IL1RL2: variants seen among roughly 807,000 people sequenced by gnomAD.
The protein encoded by IL1RL2 is interleukin-1 receptor-like 2.
A neutral mutation model predicts 66.8 loss-of-function variants in IL1RL2; 68 were observed. The ratio of observed to expected loss-of-function variants is 1.02; its 90% CI spans 0.84 to 1.25. IL1RL2 has a LOEUF of 1.25. IL1RL2 is among the 50% of genes most tolerant of loss of function. The pLI is 0.00. For missense variants in IL1RL2, 729 were observed against 709.3 expected (o/e 1.03, Z -0.32); for synonymous variants, 305 against 264.6 (o/e 1.15, Z -1.48).
intron 4 of IL1RL2, among the ~76,000 whole-genome samples, chr2:102,193,064 G>A (rs190843256): frequency 8.6e-5 from 13 of 151,840 alleles, no homozygotes; most frequent in South Asian, 4.2e-4. Flanking sequence ...ACACACACAC[G>A]TGCACACACA....
At chr2:102,187,672 C>G (rs1433439366) in intron 1 of IL1RL2, among the ~76,000 whole-genome samples, 184 bp from the exon 2 acceptor site, 1 of 152,178 alleles carries the variant, frequency 6.6e-6, no homozygotes. Flanking sequence ...GGCGCCCAGA[C>G]GAAGGAGACA....
intron 5 of IL1RL2, among the ~76,000 whole-genome samples, chr2:102,206,783 C>T (rs992068508): frequency 6.6e-6 from 1 of 152,226 alleles, no homozygotes; most frequent in Admixed American, 6.5e-5. Flanking sequence ...CAGCCGGTGG[C>T]AAAGCCAGCC....
At chr2:102,224,077 G>A (rs149178819) in intron 8 of IL1RL2, among the ~76,000 whole-genome samples, 71 of 152,308 alleles carry the variant, frequency 4.7e-4, no homozygotes, top group African/African-American at 1.4e-3. Context: ...GCCTCAAGAT[G>A]TTTACAACAC....
At chr2:102,222,109 T>C (rs1690194689) in intron 8 of IL1RL2, among the ~76,000 whole-genome samples, 1 of 152,216 alleles carries the variant, frequency 6.6e-6, no homozygotes, top group South Asian at 2.1e-4. Flanking sequence ...ACAATTTATT[T>C]TTGCCTGTTT....
rs766236834 is a variant in IL1RL2, at chr2:102,219,114, C to A, written c.854+32C>A. 9 of 1,612,198 alleles carry A rather than the reference C, an allele frequency of 5.6e-6. No individual in the cohort carries two copies. The Admixed American group carries it at 1.2e-4, about 21-fold the overall frequency. On this transcript the variant is annotated intron_variant, in intron 7 of 11. Coordinates refer to ENST00000264257, the MANE Select transcript of IL1RL2 (RefSeq NM_003854.4). ...GTTTTGCTTTTTTGACTTCTCTAAACGCTAGCAAGGATTTCTCCATCTAAG... is the reference window on the plus strand; with the variant it reads ...GTTTTGCTTTTTTGACTTCTCTAAAAGCTAGCAAGGATTTCTCCATCTAAG...
At chr2:102,197,756 T>C (rs1211616962) in intron 4 of IL1RL2, among the ~76,000 whole-genome samples, 1 of 152,218 alleles carries the variant, frequency 6.6e-6, no homozygotes, top group Non-Finnish European at 1.5e-5. Context: ...TCCAGTTCTG[T>C]GGGAGCTGAG....
At chr2:102,196,416 C>A (rs1687788356) in intron 4 of IL1RL2, among the ~76,000 whole-genome samples, 1 of 152,138 alleles carries the variant, frequency 6.6e-6, no homozygotes. Context: ...TGTGCTCAGA[C>A]CTGGAATCAC....
downstream of IL1RL2, among the ~76,000 whole-genome samples, chr2:102,240,230 T>G (rs887058066): frequency 1.3e-5 from 2 of 152,062 alleles, no homozygotes; most frequent in Admixed American, 6.6e-5. Flanking sequence ...GCACAATAGC[T>G]TTTTTTCCCC....
Position 102,234,888 on chromosome 2 carries a change from T to C in IL1RL2, c.1298-9T>C. 1 of 1,606,424 alleles carries C rather than the reference T, an allele frequency of 6.2e-7. No individual in the cohort carries two copies. Among genetic ancestry groups the C allele is most frequent in the East Asian group, 2.2e-5 (1 of 44,656 alleles). The stretch of plus-strand genomic sequence containing the variant: ...TGAGTTCTTCTGAGCCTTCTTTCTT[T>C]ATTTCCAGCCGTGGCCAATGTCATC... On this transcript the variant is annotated splice_polypyrimidine_tract_variant and intron_variant, in intron 10 of 11. Coordinates refer to ENST00000264257, the MANE Select transcript of IL1RL2 (RefSeq NM_003854.4).
At chr2:102,204,782 G>A (rs543347283) in intron 5 of IL1RL2, among the ~76,000 whole-genome samples, 1 of 151,832 alleles carries the variant, frequency 6.6e-6, no homozygotes, top group East Asian at 1.9e-4. Flanking sequence ...AACAATCAAT[G>A]GGTCTTGTTT....
rs1675133216 is a variant in IL1RL2, at chr2:102,239,334, T to C, written c.*93T>C. 2 of 1,239,000 alleles carry C rather than the reference T, an allele frequency of 1.6e-6. No individual in the cohort carries two copies. Among genetic ancestry groups the C allele is most frequent in the Admixed American group, 3.4e-5 (2 of 58,810 alleles). The allele number at this position is 1,239,000 out of a possible 1,614,324, so 76.8% of individuals were successfully genotyped here. A position where few individuals can be genotyped will look rare whatever the true frequency, so the allele number is the denominator to read the frequency against. On this transcript the variant is annotated 3_prime_UTR_variant, in exon 12 of 12. Transcript: ENST00000264257. ...CCTATTTTCTGCTGCAGGATGAGGC[T>C]AGGGTTAGCATTCTAGACACCCAGT...
intron 4 of IL1RL2, among the ~76,000 whole-genome samples, chr2:102,196,155 A>G (rs1299359699): frequency 6.6e-6 from 1 of 152,192 alleles, no homozygotes; most frequent in Admixed American, 6.5e-5. Context: ...GGCTATGACT[A>G]GCAATCCTAA....
rs1578165724 is a variant in IL1RL2 at position 102,220,097 on chromosome 2, T to C, written c.991+80T>C. 1.4e-5 allele frequency: 19 copies of C among 1,345,794 alleles called. No homozygotes were observed. In the East Asian group the frequency reaches 4.5e-4, roughly 32 times the overall value. 83.4% of individuals were successfully genotyped at this position (1,345,794 alleles called of 1,614,324 possible). On this transcript the variant is annotated intron_variant, in intron 8 of 11. Transcript: ENST00000264257. The stretch of plus-strand genomic sequence containing the variant: ...AACACATCTGAAGGAGCAGTGACTC[T>C]AAATGCTCAGTGTGAGGCATGAGGG...
rs1374697023 is a variant in IL1RL2, at chr2:102,219,074, A to C, written c.846A>C (p.Glu282Asp). The change falls in exon 7 of 12, where the codon GAA becomes GAC. Residue 282 changes from glutamate to aspartate, a missense_variant. By Grantham distance (45) the Glu-to-Asp change is conservative (BLOSUM62 2). Transcript: ENST00000264257. ...DYYDESKRIR[E>D]GVETHVSFRE... ...ATGATGAATCCAAACGAATCAGAGA[A>C]GGGGTGGAGTAGGTGTTTTGCTTTT... is the stretch of plus-strand genomic sequence containing the variant. 6 of 1,613,780 alleles carry C rather than the reference A, an allele frequency of 3.7e-6. No homozygotes were observed. In the East Asian group the frequency reaches 1.1e-4, roughly 30 times the overall value.
intron 11 of IL1RL2, among the ~76,000 whole-genome samples, chr2:102,236,632 A>G (rs922878993): frequency 6.6e-6 from 1 of 152,186 alleles, no homozygotes; most frequent in Admixed American, 6.5e-5. Flanking sequence ...AAGTGGCATT[A>G]AGTACATTCA....
chr2:102,196,723 G>A (rs1172108348), intron 4 of IL1RL2, among the ~76,000 whole-genome samples: 1 of 152,194 alleles, frequency 6.6e-6, no homozygotes, highest in African/African-American at 2.4e-5. Flanking sequence ...GGTACGGCAA[G>A]GAAGGTCAGT....
intron 10 of IL1RL2, among the ~76,000 whole-genome samples, chr2:102,234,644 G>A (rs1220445527): frequency 6.6e-6 from 1 of 152,116 alleles, no homozygotes; most frequent in African/African-American, 2.4e-5. Flanking sequence ...AAAATTAGCT[G>A]GACGTGGTGG....
chr2:102,190,053 G>T (rs1444267025), intron 3 of IL1RL2, among the ~76,000 whole-genome samples: 2 of 152,200 alleles, frequency 1.3e-5, no homozygotes, highest in Non-Finnish European at 2.9e-5. Flanking sequence ...TCTGCTTAAG[G>T]CAGGGAGTAA....
At chr2:102,223,812 G>A (rs1333924529) in intron 8 of IL1RL2, among the ~76,000 whole-genome samples, 3 of 152,162 alleles carry the variant, frequency 2.0e-5, no homozygotes, top group Non-Finnish European at 4.4e-5. Context: ...AGGTGGCAAT[G>A]TTACCCCTAG....
Sources: allele counts gnomAD v4.1 joint callset (sites outside exome capture counted in the v4.1 genomes callset), GRCh38; gene constraint gnomAD v4.1.1; transcripts MANE v1.5; gene names NCBI Gene and HGNC (gene_info 2026-07-23, HGNC 2026-07-21).